The following PGCKA1 variants were observed in gnomAD, a reference collection of about 807,000 sequenced individuals.
PGCKA1 encodes PDCD10 and GCKIII kinases associated 1.
chr4:37,538,319 TCAGA>T, the PGCKA1 span, among the ~76,000 whole-genome samples: 1 of 152,186 alleles, frequency 6.6e-6, no homozygotes, highest in Admixed American at 6.5e-5. Context: ...TTTGTACATC[TCAGA>T]CAAATCTCTT....
the PGCKA1 span, among the ~76,000 whole-genome samples, chr4:37,458,533 C>T: frequency 6.6e-6 from 1 of 152,144 alleles, no homozygotes; most frequent in African/African-American, 2.4e-5. Context: ...AGCTCTGCCT[C>T]TGAGTATTGG....
chr4:37,575,893 A>G, the PGCKA1 span, among the ~76,000 whole-genome samples: 10 of 152,130 alleles, frequency 6.6e-5, no homozygotes, highest in Non-Finnish European at 1.0e-4. Flanking sequence ...TCCTTTGTTG[A>G]AAATGAGAAC....
At chr4:37,560,042 T>G in the PGCKA1 span, among the ~76,000 whole-genome samples, 1 of 152,204 alleles carries the variant, frequency 6.6e-6, no homozygotes, top group East Asian at 1.9e-4. Flanking sequence ...TCTAGATCAT[T>G]CAATACCATA....
At chr4:37,580,757 A>C in the PGCKA1 span, among the ~76,000 whole-genome samples, 1 of 152,180 alleles carries the variant, frequency 6.6e-6, no homozygotes, top group Admixed American at 6.5e-5. Flanking sequence ...ACCACTAGCT[A>C]GCTAGCTCCA....
chr4:37,464,277 G>C, the PGCKA1 span, among the ~76,000 whole-genome samples: 1 of 152,228 alleles, frequency 6.6e-6, no homozygotes, highest in African/African-American at 2.4e-5. Flanking sequence ...AGAAGAGACG[G>C]TAATGAGGGC....
At chr4:37,487,051 A>C in the PGCKA1 span, among the ~76,000 whole-genome samples, 45 of 152,182 alleles carry the variant, frequency 3.0e-4, no homozygotes, top group African/African-American at 9.9e-4. Context: ...ACTGGGAGTG[A>C]TTGATGGTGG....
At chr4:37,574,246 T>C in the PGCKA1 span, among the ~76,000 whole-genome samples, 1 of 152,154 alleles carries the variant, frequency 6.6e-6, no homozygotes, top group Admixed American at 6.5e-5. Flanking sequence ...GTATGTTTTG[T>C]TTAGCATACC....
the PGCKA1 span, among the ~76,000 whole-genome samples, chr4:37,515,424 G>C: frequency 1.3e-5 from 2 of 152,132 alleles, no homozygotes; most frequent in Non-Finnish European, 2.9e-5. Context: ...AAGAGACAAA[G>C]ACCCCCCACT....
chr4:37,470,251 A>G, the PGCKA1 span, among the ~76,000 whole-genome samples: 2 of 152,230 alleles, frequency 1.3e-5, no homozygotes, highest in Non-Finnish European at 2.9e-5. Context: ...AAAAAAATCA[A>G]TTACCTCACA....
the PGCKA1 span, among the ~76,000 whole-genome samples, chr4:37,561,785 T>A: frequency 5.3e-5 from 8 of 152,222 alleles, no homozygotes; most frequent in Non-Finnish European, 1.2e-4. Context: ...GGTCACAATA[T>A]TTTCATCAAC....
At chr4:37,587,769 G>A in the PGCKA1 span, among the ~76,000 whole-genome samples, 1 of 152,112 alleles carries the variant, frequency 6.6e-6, no homozygotes. Flanking sequence ...AGGAGTTTGA[G>A]ACCAGCATGG....
the PGCKA1 span, chr4:37,588,760 A>T: frequency 1.1e-6 from 1 of 928,896 alleles, no homozygotes; most frequent in South Asian, 1.4e-5. Flanking sequence ...ATACATTTTG[A>T]GTCTCTAGGG....
chr4:37,574,751 C>A, the PGCKA1 span, among the ~76,000 whole-genome samples: 1 of 151,640 alleles, frequency 6.6e-6, no homozygotes, highest in African/African-American at 2.4e-5. Flanking sequence ...TCTCTTTCAC[C>A]CCCACCCCCA....
the PGCKA1 span, among the ~76,000 whole-genome samples, chr4:37,570,146 ATTTTT>A: frequency 4.5e-3 from 354 of 78,934 alleles, no homozygotes; most frequent in Middle Eastern, 0.016. Flanking sequence ...CGCCTGGCTA[ATTTTT>A]TTTTTTTTTT....
At chr4:37,579,221 A>G in the PGCKA1 span, among the ~76,000 whole-genome samples, 1 of 152,172 alleles carries the variant, frequency 6.6e-6, no homozygotes, top group South Asian at 2.1e-4. Context: ...ATATTATCGT[A>G]CAGTCTATGT....
chr4:37,544,329 A>G, the PGCKA1 span, among the ~76,000 whole-genome samples: 1 of 151,972 alleles, frequency 6.6e-6, no homozygotes, highest in Non-Finnish European at 1.5e-5. Flanking sequence ...TTTTGATTCT[A>G]TTTTTAACCA....
At chr4:37,539,648 C>T in the PGCKA1 span, among the ~76,000 whole-genome samples, 5 of 152,086 alleles carry the variant, frequency 3.3e-5, no homozygotes, top group Admixed American at 6.6e-5. Flanking sequence ...AGCAAGACTC[C>T]GTCTCAAAAT....
the PGCKA1 span, among the ~76,000 whole-genome samples, chr4:37,476,540 A>G: frequency 2.0e-5 from 3 of 152,166 alleles, no homozygotes; most frequent in African/African-American, 7.2e-5. Flanking sequence ...TTGAAACAGG[A>G]TAACACTGTG....
chr4:37,525,687 A>G, the PGCKA1 span, among the ~76,000 whole-genome samples: 1 of 152,220 alleles, frequency 6.6e-6, no homozygotes, highest in African/African-American at 2.4e-5. Flanking sequence ...CAGAAATCAT[A>G]TAATCCACCA....
Sources: allele counts gnomAD v4.1 joint callset (sites outside exome capture counted in the v4.1 genomes callset), GRCh38; gene constraint gnomAD v4.1.1; transcripts MANE v1.5; gene names NCBI Gene and HGNC (gene_info 2026-07-23, HGNC 2026-07-21).